The following MADD variants were observed in gnomAD, a reference collection of about 807,000 sequenced individuals.
MADD encodes MAP kinase-activating death domain protein.
A neutral mutation model predicts 176.7 loss-of-function variants in MADD; 109 were observed. The observed-to-expected ratio is 0.62, with a 90% confidence interval of 0.53 to 0.72. The LOEUF is 0.72. Ranked by LOEUF, MADD falls within the 30% of genes least tolerant of loss-of-function variation. The pLI, the probability that MADD is intolerant of heterozygous loss-of-function variation, is 0.00. For missense variants in MADD, 1,914 were observed against 2,045.5 expected, an observed-to-expected ratio of 0.94 and a Z score of 1.24; for synonymous variants, 771 against 771.3, an observed-to-expected ratio of 1.00 and a Z score of 0.01.
exon 3 of MADD, chr11:47,274,954 G>C: frequency 6.2e-7 from 1 of 1,614,102 alleles, no homozygotes; most frequent in Non-Finnish European, 8.5e-7. Context: ...CTCTACCCCT[G>C]ATGTGAACCA....
exon 12 of MADD, chr11:47,284,560 A>T (rs1421813931): frequency 6.2e-7 from 1 of 1,613,586 alleles, no homozygotes; most frequent in Non-Finnish European, 8.5e-7. Flanking sequence ...CCACGGAGCC[A>T]ACTCTGTAAG....
chr11:47,309,534 G>C (rs1262715637), exon 25 of MADD: 2 of 1,614,094 alleles, frequency 1.2e-6, no homozygotes, highest in African/African-American at 1.3e-5. Context: ...AACATGACCG[G>C]AAGCGCCTGG....
intron 10 of MADD, among the ~76,000 whole-genome samples, chr11:47,283,386 C>T (rs977606830): frequency 7.2e-5 from 11 of 152,022 alleles, no homozygotes; most frequent in African/African-American, 2.4e-4. Context: ...AGCCACCGCG[C>T]CCGGCCTTAT....
At chr11:47,313,802 C>T (rs1445822578) in intron 26 of MADD, among the ~76,000 whole-genome samples, 1 of 151,878 alleles carries the variant, frequency 6.6e-6, no homozygotes, top group Non-Finnish European at 1.5e-5. Flanking sequence ...CTCTGTCACC[C>T]GGGCTGGAGT....
At chr11:47,287,061 C>T (rs903581432) in intron 15 of MADD, among the ~76,000 whole-genome samples, 1 of 152,226 alleles carries the variant, frequency 6.6e-6, no homozygotes, top group Non-Finnish European at 1.5e-5. Flanking sequence ...CGCGGTGGCT[C>T]ACGCCTGTAA....
intron 19 of MADD, among the ~76,000 whole-genome samples, chr11:47,293,367 T>A (rs554723784): frequency 1.3e-5 from 2 of 151,658 alleles, no homozygotes; most frequent in East Asian, 3.9e-4. Context: ...AGTGGTACGA[T>A]CTTGCCTCAC....
At chr11:47,324,166 C>T (rs768977426) in intron 28 of MADD, 99 bp from the exon 32 acceptor site, 4 of 1,068,190 alleles carry the variant, frequency 3.7e-6, no homozygotes, top group Non-Finnish European at 5.7e-6. Context: ...AAATTTTACC[C>T]CTCACTTCAA....
At chr11:47,290,888 C>A (rs1773236340) in intron 19 of MADD, 72 bp downstream of exon 20, 1 of 1,234,318 alleles carries the variant, frequency 8.1e-7, no homozygotes, top group Non-Finnish European at 1.1e-6. Context: ...TCAATTCATC[C>A]AGAATCCTGC....
intron 27 of MADD, among the ~76,000 whole-genome samples, chr11:47,319,580 CAGTAATGAAGAGTTTTA>C (rs2093984706): frequency 6.6e-6 from 1 of 152,016 alleles, no homozygotes; most frequent in African/African-American, 2.4e-5. Context: ...CAGAGGTAAC[CAGTAATGAAGAGTTTTA>C]TGTGACTCCT....
At chr11:47,290,414 A>G in intron 18 of MADD, 115 bp downstream of exon 19, 1 of 1,399,382 alleles carries the variant, frequency 7.1e-7, no homozygotes, top group Admixed American at 2.6e-5. Flanking sequence ...GCTTCCCATT[A>G]GGCTTTGGGA....
At chr11:47,320,740 A>T (rs942548513) in intron 27 of MADD, among the ~76,000 whole-genome samples, 1 of 151,874 alleles carries the variant, frequency 6.6e-6, no homozygotes, top group Non-Finnish European at 1.5e-5. Context: ...TGGGCAACAT[A>T]GGGAAACCCC....
rs1052141593 is a variant in MADD at position 47,303,554 on chromosome 11, A to G, written c.3643-5037A>G. On this transcript the variant is annotated intron_variant, in intron 22 of 32. Coordinates refer to ENST00000402192, the Ensembl canonical transcript of MADD. ...CACCCGGCCTTCTCTGGCTGTTTTT[A>G]GAATTCTCTCTTTGACTTTTGACAA... 7.0e-5 allele frequency among the ~76,000 whole-genome samples: 10 copies of G among 141,908 alleles called. No homozygotes were observed. In the South Asian group the frequency reaches 2.3e-3, roughly 32 times the overall value. The allele number at this position is 141,908 out of a possible 152,430, so 93.1% of individuals were successfully genotyped here.
chr11:47,315,132 T>A (rs925741001), intron 26 of MADD, 88 bp from the exon 30 acceptor site: 1 of 753,848 alleles, frequency 1.3e-6, no homozygotes, highest in Non-Finnish European at 2.4e-6. Flanking sequence ...GAAGCCGATA[T>A]GAATTTGATT....
exon 18 of MADD, chr11:47,290,151 G>T (rs2063961003): frequency 1.2e-6 from 2 of 1,613,938 alleles, no homozygotes; most frequent in Non-Finnish European, 1.7e-6. Context: ...TGTTGCAGGA[G>T]ATCAGTCGGA....
intron 22 of MADD, among the ~76,000 whole-genome samples, chr11:47,307,079 C>T (rs991198691): frequency 4.9e-5 from 7 of 143,934 alleles, no homozygotes; most frequent in African/African-American, 1.8e-4. Context: ...GATTTTTATA[C>T]TTTTTTTTTT....
At chr11:47,270,128 C>G (rs959101663), upstream of MADD, 2 of 152,030 alleles carry the variant, frequency 1.3e-5, no homozygotes, top group African/African-American at 4.8e-5. Context: ...TGGTGCGTGC[C>G]CCCCAGTGCA....
chr11:47,274,737 C>T, exon 3 of MADD: 1 of 1,614,242 alleles, frequency 6.2e-7, no homozygotes. Flanking sequence ...CTTTTGTCTT[C>T]ACCCTCACTG....
At chr11:47,287,410 A>AT (rs994201688) in intron 15 of MADD, among the ~76,000 whole-genome samples, 11 of 152,104 alleles carry the variant, frequency 7.2e-5, no homozygotes, top group East Asian at 1.9e-4. Context: ...TTGATTTTTT[A>AT]TTTTTTTTAT....
At chr11:47,326,880 G>A (rs182507669) in intron 31 of MADD, 73 bp downstream of exon 35, 1 of 1,593,126 alleles carries the variant, frequency 6.3e-7, no homozygotes, top group Non-Finnish European at 8.5e-7. Flanking sequence ...CCAGAGGAGG[G>A]TCTAGGGGCA....
Sources: gnomAD v4.1 joint callset for allele counts (sites outside exome capture counted in the v4.1 genomes callset) on GRCh38, gnomAD v4.1.1 for gene constraint, MANE v1.5 for transcripts, NCBI Gene and HGNC (gene_info 2026-07-23, HGNC 2026-07-21) for gene names.